Variants in DNAH6 observed in about 807,000 individuals in gnomAD.
DNAH6 encodes the protein dynein axonemal heavy chain 6, also known as axonemal beta dynein heavy chain 6.
Under a neutral mutation model 491.4 loss-of-function variants are expected in DNAH6, and 340 were observed. The observed-to-expected ratio is 0.69, with a 90% CI of 0.63 to 0.76. The LOEUF (loss-of-function observed/expected upper bound fraction) is 0.76, where lower values mean the gene tolerates loss of function less well. DNAH6 is among the 30% of genes least tolerant of loss of function. The probability of loss-of-function intolerance (pLI) is 0.00; values close to 1 mark genes in which losing one functional copy is unlikely to be tolerated. For synonymous variants in DNAH6, 1,603 were observed against 1,686.1 expected (o/e 0.95, Z 1.21); for missense variants, 4,443 against 4,972.2 (o/e 0.89, Z 3.20).
In DNAH6 at chr2:84,713,143, A is replaced by G. The variant is rs2104884602; in HGVS notation, c.9427A>G (p.Ile3143Val). 1.3e-6 allele frequency: 2 copies of G among 1,551,714 alleles called. No homozygotes were observed. Among genetic ancestry groups the G allele is most frequent in the Non-Finnish European group, 1.7e-6 (2 of 1,146,982 alleles). The change falls in exon 57 of 77, where the codon ATT becomes GTT. Residue 3143 changes from isoleucine to valine, a missense_variant. By Grantham distance (29) the Ile-to-Val change is conservative (BLOSUM62 3). Coordinates refer to ENST00000389394, the MANE Select transcript of DNAH6 (RefSeq NM_001370.2). ...PALEPILLKQ[I>V]FISGGRLLIR... Reference sequence around the variant, plus strand: ...TCTAGAACCCATTCTTTTGAAACAAATTTTTATCAGTGGTGGCCGACTACT... The same window carrying G: ...TCTAGAACCCATTCTTTTGAAACAAGTTTTTATCAGTGGTGGCCGACTACT...
At chr2:84,647,924 T>G (rs1690050052) in intron 33 of DNAH6, among the ~76,000 whole-genome samples, 1 of 152,202 alleles carries the variant, frequency 6.6e-6, no homozygotes, top group African/African-American at 2.4e-5. Context: ...GTTAACATTG[T>G]TTTTTTAATA....
At chr2:84,580,002 A>C (rs1682851532) in intron 14 of DNAH6, among the ~76,000 whole-genome samples, 1 of 152,264 alleles carries the variant, frequency 6.6e-6, no homozygotes, top group African/African-American at 2.4e-5. Context: ...CCGAGATCAC[A>C]AACATGTATG....
rs1438621215 is a variant in DNAH6 at position 84,698,586 on chromosome 2, G to A, written c.7677+859G>A. The stretch of plus-strand genomic sequence containing the variant: ...AGCCATGTGTCCTCCATCACATCAG[G>A]AAGCAGCTGAAATCAGGAGCCACTT... On this transcript the variant is annotated intron_variant, in intron 47 of 76. Transcript: ENST00000389394. Among the ~76,000 whole-genome samples the A allele has an allele frequency of 2.6e-5, 4 of 152,206 alleles. No individual in the cohort carries two copies. The South Asian group carries it at 6.2e-4, about 24-fold the overall frequency.
At chr2:84,493,018 A>G in the DNAH6 span, among the ~76,000 whole-genome samples, 3 of 152,122 alleles carry the variant, frequency 2.0e-5, no homozygotes, top group Admixed American at 6.6e-5. Context: ...ATATTTTTCT[A>G]TATACTACAT....
At chr2:84,514,484 A>G (rs2104385532), upstream of DNAH6, among the ~76,000 whole-genome samples, 1 of 152,316 alleles carries the variant, frequency 6.6e-6, no homozygotes, top group South Asian at 2.1e-4. Flanking sequence ...TAATGCTAAA[A>G]AAATTTTAAC....
At chr2:84,620,744 AT>A (rs1057291155) in intron 24 of DNAH6, among the ~76,000 whole-genome samples, 66 of 152,316 alleles carry the variant, frequency 4.3e-4, no homozygotes, top group African/African-American at 1.5e-3. Context: ...AAAACATGAA[AT>A]TTAAAGAGAA....
At chr2:84,588,750 T>G (rs1683804043) in intron 15 of DNAH6, 76 bp from the exon 16 acceptor site, 1 of 1,214,062 alleles carries the variant, frequency 8.2e-7, no homozygotes, top group East Asian at 2.7e-5. Flanking sequence ...TTAAAAATGT[T>G]TATTAATTCA....
At chr2:84,576,795 G>T (rs142009080) in intron 12 of DNAH6, among the ~76,000 whole-genome samples, 1 of 152,314 alleles carries the variant, frequency 6.6e-6, no homozygotes, top group Non-Finnish European at 1.5e-5. Flanking sequence ...ATGGCAGAGA[G>T]ATGTGTTGGG....
intron 68 of DNAH6, among the ~76,000 whole-genome samples, chr2:84,794,999 TA>T (rs1190101923): frequency 6.7e-6 from 1 of 149,736 alleles, no homozygotes; most frequent in Non-Finnish European, 1.5e-5. Flanking sequence ...TATGCAGCCA[TA>T]AAAAATGATG....
intron 62 of DNAH6, among the ~76,000 whole-genome samples, chr2:84,742,471 G>T (rs1026473917): frequency 3.3e-5 from 5 of 152,158 alleles, no homozygotes; most frequent in Non-Finnish European, 5.9e-5. Context: ...CTGGGGTGGT[G>T]CTACTGGCGT....
Position 84,641,972 on chromosome 2 carries a change from C to T in DNAH6, c.4996C>T (p.Leu1666=). 6.4e-7 allele frequency: 1 copy of T among 1,550,646 alleles called. No individual in the cohort carries two copies. Among genetic ancestry groups the T allele is most frequent in the Non-Finnish European group, 8.7e-7 (1 of 1,146,460 alleles). ...ATCTTTAAAAAGAGAAAACCCAGAC[C>T]TAAATGAAGATGTGGTGTTGATAAG... is the stretch of plus-strand genomic sequence containing the variant. ...AGSLKRENPD[L]NEDVVLIRAL... is the part of the protein sequence containing the mutation. The change falls in exon 33 of 77, where the codon CTA becomes TTA. Residue 1666 remains leucine (L), a synonymous_variant. Coordinates refer to ENST00000389394, the MANE Select transcript of DNAH6 (RefSeq NM_001370.2).
At chr2:84,656,055 A>G (rs1484638008) in intron 35 of DNAH6, among the ~76,000 whole-genome samples, 2 of 152,146 alleles carry the variant, frequency 1.3e-5, no homozygotes, top group East Asian at 3.8e-4. Context: ...ATCATATAGT[A>G]CATAGCCTTT....
the DNAH6 span, among the ~76,000 whole-genome samples, chr2:84,509,181 C>G: frequency 2.0e-5 from 3 of 152,124 alleles, no homozygotes; most frequent in Non-Finnish European, 2.9e-5. Context: ...TAAAGTCTCC[C>G]TTTATTATTG....
rs1400752277 is a variant in DNAH6, at chr2:84,659,115, T to C, written c.6030T>C (p.Tyr2010=). ...SLGGNLTENY[Y]DSFDTFIRTQ... Reference sequence around the variant, plus strand: ...GTGGAAACCTAACTGAAAACTACTATGATTCTTTTGATACATTTATTAGAA... The same window carrying C: ...GTGGAAACCTAACTGAAAACTACTACGATTCTTTTGATACATTTATTAGAA... Residue 2010 remains tyrosine, a synonymous_variant, in exon 37 of 77, where the codon TAT becomes TAC. Transcript: ENST00000389394. The C allele has an allele frequency of 2.0e-6, 3 of 1,516,464 alleles. No individual in the cohort carries two copies. Among genetic ancestry groups the C allele is most frequent in the Admixed American group, 2.0e-5 (1 of 49,604 alleles). 93.9% of individuals were successfully genotyped at this position (1,516,464 alleles called of 1,614,324 possible). A position where few individuals can be genotyped will look rare whatever the true frequency, so the allele number is the denominator to read the frequency against.
intron 65 of DNAH6, among the ~76,000 whole-genome samples, chr2:84,783,007 G>GA (rs1425858627): frequency 6.6e-5 from 10 of 152,158 alleles, no homozygotes; most frequent in South Asian, 2.1e-4. Flanking sequence ...TAAGTGGATA[G>GA]AAAAAATCCT....
the DNAH6 span, among the ~76,000 whole-genome samples, chr2:84,460,412 A>G: frequency 1.3e-5 from 2 of 152,346 alleles, no homozygotes; most frequent in East Asian, 1.9e-4. Flanking sequence ...GGACATTTTT[A>G]TGGCAAATAA....
At chr2:84,701,660 G>C (rs1026916420) in intron 49 of DNAH6, among the ~76,000 whole-genome samples, 2 of 152,116 alleles carry the variant, frequency 1.3e-5, no homozygotes, top group African/African-American at 4.8e-5. Context: ...GAGAGAGAGG[G>C]GGGTGGTGCC....
At chr2:84,807,216 C>T (rs1448506651) in intron 71 of DNAH6, among the ~76,000 whole-genome samples, 11 of 152,200 alleles carry the variant, frequency 7.2e-5, no homozygotes, top group Admixed American at 2.6e-4. Flanking sequence ...CACAGCACAG[C>T]GGACCCAAGA....
intron 4 of DNAH6, among the ~76,000 whole-genome samples, chr2:84,529,388 C>A (rs1676936945): frequency 6.6e-6 from 1 of 151,950 alleles, no homozygotes; most frequent in South Asian, 2.1e-4. Flanking sequence ...CTGAGCTTCT[C>A]ATATATTTAT....
Sources: allele counts gnomAD v4.1 joint callset (sites outside exome capture counted in the v4.1 genomes callset), GRCh38; gene constraint gnomAD v4.1.1; transcripts MANE v1.5; gene names NCBI Gene and HGNC (gene_info 2026-07-23, HGNC 2026-07-21).